Variants in GPR158 observed in about 807,000 individuals in gnomAD.
The protein encoded by GPR158 is G protein-coupled receptor 158.
Under a neutral mutation model 78.2 loss-of-function variants are expected in GPR158, and 30 were observed. The observed-to-expected ratio is 0.38, with a 90% CI of 0.29 to 0.52. The LOEUF (loss-of-function observed/expected upper bound fraction) is 0.52. Among genes scored for constraint, GPR158 ranks in the 20% least tolerant of loss-of-function variants. The pLI is 0.83. For synonymous variants in GPR158, 581 were observed against 591.1 expected, an observed-to-expected ratio of 0.98 and a Z score of 0.25; for missense variants, 1,463 against 1,523.5, an observed-to-expected ratio of 0.96 and a Z score of 0.66.
chr10:25,299,121 T>G (rs1854555827), intron 2 of GPR158, among the ~76,000 whole-genome samples: 1 of 152,182 alleles, frequency 6.6e-6, no homozygotes, highest in African/African-American at 2.4e-5. Context: ...AGTATACATT[T>G]TGTTTATTTT....
At chr10:25,521,763 C>G (rs1836278764) in intron 5 of GPR158, among the ~76,000 whole-genome samples, 1 of 152,146 alleles carries the variant, frequency 6.6e-6, no homozygotes, top group African/African-American at 2.4e-5. Flanking sequence ...TAATGCAGCA[C>G]ACATCAAATG....
chr10:25,361,561 C>G (rs76698420), intron 2 of GPR158, among the ~76,000 whole-genome samples: 3,470 of 152,004 alleles, frequency 0.023, 139 homozygotes, highest in African/African-American at 0.079. Context: ...CAACAATGCA[C>G]AAGGGTACCA....
intron 2 of GPR158, among the ~76,000 whole-genome samples, chr10:25,253,572 G>A (rs1222319848): frequency 1.3e-5 from 2 of 152,128 alleles, no homozygotes; most frequent in African/African-American, 4.8e-5. Flanking sequence ...TTTGACACAG[G>A]CAGAATATAA....
intron 4 of GPR158, among the ~76,000 whole-genome samples, chr10:25,429,269 T>G (rs1834863874): frequency 6.6e-6 from 1 of 152,108 alleles, no homozygotes; most frequent in Non-Finnish European, 1.5e-5. Flanking sequence ...CTTTCAATTC[T>G]TACCAATTTT....
chr10:25,315,717 CTTAAAACTTTAAAGT>C (rs113721823), intron 2 of GPR158, among the ~76,000 whole-genome samples: 30,530 of 151,576 alleles, frequency 0.2, 5,153 homozygotes, highest in African/African-American at 0.47. Flanking sequence ...TTAAAGTTTC[CTTAAAACTTTAAAGT>C]TTTAAAGTTA....
chr10:25,255,717 AT>A, intron 2 of GPR158, among the ~76,000 whole-genome samples: 1 of 152,164 alleles, frequency 6.6e-6, no homozygotes, highest in South Asian at 2.1e-4. Flanking sequence ...AACCAGGAGA[AT>A]TTTTTTCATT....
At chr10:25,436,336 G>A (rs1293594639) in intron 4 of GPR158, among the ~76,000 whole-genome samples, 2 of 152,178 alleles carry the variant, frequency 1.3e-5, no homozygotes, top group Admixed American at 6.5e-5. Context: ...AAGTGGGCAG[G>A]TAGATATTTG....
intron 2 of GPR158, among the ~76,000 whole-genome samples, chr10:25,228,207 C>T (rs531339531): frequency 2.0e-4 from 31 of 152,070 alleles, no homozygotes; most frequent in Admixed American, 1.3e-3. Context: ...CCCAGAAGTT[C>T]GAGGCTGCAG....
At chr10:25,383,589 AG>A (rs1286561065) in intron 2 of GPR158, among the ~76,000 whole-genome samples, 1 of 152,224 alleles carries the variant, frequency 6.6e-6, no homozygotes, top group Non-Finnish European at 1.5e-5. Context: ...TGCATCGGGA[AG>A]GGAGAGATTC....
chr10:25,316,067 C>T (rs565482470), intron 2 of GPR158, among the ~76,000 whole-genome samples: 3 of 152,174 alleles, frequency 2.0e-5, no homozygotes, highest in Admixed American at 6.5e-5. Flanking sequence ...CCATTGCAGT[C>T]TTGCTTTATG....
intron 5 of GPR158, among the ~76,000 whole-genome samples, chr10:25,521,242 C>T (rs1836268128): frequency 6.6e-6 from 1 of 152,202 alleles, no homozygotes; most frequent in Non-Finnish European, 1.5e-5. Flanking sequence ...GTGCACGCAC[C>T]CACTGGCCTG....
At chr10:25,250,928 T>C (rs951388041) in intron 2 of GPR158, among the ~76,000 whole-genome samples, 11 of 151,464 alleles carry the variant, frequency 7.3e-5, no homozygotes, top group Non-Finnish European at 1.6e-4. Context: ...AAGTCTCCCA[T>C]TATTATTGTG....
chr10:25,303,948 C>T (rs1854632849), intron 2 of GPR158, among the ~76,000 whole-genome samples: 1 of 152,126 alleles, frequency 6.6e-6, no homozygotes, highest in South Asian at 2.1e-4. Context: ...TTCCTATCTC[C>T]ATCCCTGGTG....
intron 5 of GPR158, among the ~76,000 whole-genome samples, chr10:25,507,898 A>G (rs1836034234): frequency 6.6e-6 from 1 of 152,240 alleles, no homozygotes; most frequent in African/African-American, 2.4e-5. Flanking sequence ...CTACAATACT[A>G]AAGTTATATT....
chr10:25,239,781 G>A (rs1381590529), intron 2 of GPR158, among the ~76,000 whole-genome samples: 1 of 151,992 alleles, frequency 6.6e-6, no homozygotes, highest in Non-Finnish European at 1.5e-5. Context: ...CTACTATTTG[G>A]TTTGTCTGGT....
chr10:25,540,376 A>T (rs564955280), intron 5 of GPR158, among the ~76,000 whole-genome samples: 83 of 152,332 alleles, frequency 5.4e-4, no homozygotes, highest in African/African-American at 1.9e-3. Context: ...ATTGTGGAAG[A>T]CAGTGTGGTG....
intron 6 of GPR158, among the ~76,000 whole-genome samples, chr10:25,561,088 A>G (rs1466007204): frequency 6.6e-6 from 1 of 152,170 alleles, no homozygotes; most frequent in Non-Finnish European, 1.5e-5. Flanking sequence ...TATCTACAAA[A>G]CCATGCAATT....
chr10:25,312,254 C>G (rs1854774872), intron 2 of GPR158, among the ~76,000 whole-genome samples: 1 of 151,626 alleles, frequency 6.6e-6, no homozygotes, highest in Non-Finnish European at 1.5e-5. Context: ...TTTACCCATA[C>G]ATGACTTTGT....
intron 2 of GPR158, among the ~76,000 whole-genome samples, chr10:25,344,084 A>G (rs1855338848): frequency 1.3e-5 from 2 of 152,090 alleles, no homozygotes; most frequent in Middle Eastern, 3.4e-3. Flanking sequence ...CGGAAGAGAC[A>G]TTCCTCAGGA....
Sources: gnomAD v4.1 joint callset for allele counts (sites outside exome capture counted in the v4.1 genomes callset) on GRCh38, gnomAD v4.1.1 for gene constraint, MANE v1.5 for transcripts, NCBI Gene and HGNC (gene_info 2026-07-23, HGNC 2026-07-21) for gene names.